Variants in GRIN2B observed in about 807,000 individuals in gnomAD.
GRIN2B encodes glutamate receptor ionotropic, NMDA 2B.
GRIN2B carries 5 observed loss-of-function variants against 114.5 expected under a neutral mutation model. The observed-to-expected ratio is 0.04, with a 90% confidence interval of 0.02 to 0.09. The LOEUF is 0.09. Among genes scored for constraint, GRIN2B ranks in the 10% least tolerant of loss-of-function variants. The pLI is 1.00. For missense variants in GRIN2B, 1,108 were observed against 1,943.5 expected (o/e 0.57, Z 8.08); for synonymous variants, 787 against 745.1 (o/e 1.06, Z -0.92).
At chr12:13,658,939 T>C (rs768702972) in intron 5 of GRIN2B, among the ~76,000 whole-genome samples, 3 of 152,052 alleles carry the variant, frequency 2.0e-5, no homozygotes, top group Non-Finnish European at 2.9e-5. Context: ...TCCCTTTCCT[T>C]TGCTGATTCC....
chr12:13,775,450 C>A (rs2136650041), intron 3 of GRIN2B, among the ~76,000 whole-genome samples: 1 of 152,214 alleles, frequency 6.6e-6, no homozygotes, highest in Non-Finnish European at 1.5e-5. Context: ...TGAGATGGTA[C>A]CCGGGAAGCA....
intron 2 of GRIN2B, among the ~76,000 whole-genome samples, chr12:13,869,933 A>G (rs1170306697): frequency 2.6e-5 from 4 of 152,206 alleles, no homozygotes; most frequent in African/African-American, 9.7e-5. Flanking sequence ...TCAAATGAAA[A>G]TATGTATATG....
At chr12:13,810,461 T>A (rs1055482491) in intron 3 of GRIN2B, among the ~76,000 whole-genome samples, 4 of 152,118 alleles carry the variant, frequency 2.6e-5, no homozygotes, top group Admixed American at 6.5e-5. Flanking sequence ...TCGAGGTCTA[T>A]CCTATAATGG....
chr12:13,950,284 T>G (rs1190755150), intron 2 of GRIN2B, among the ~76,000 whole-genome samples: 1 of 152,194 alleles, frequency 6.6e-6, no homozygotes, highest in Non-Finnish European at 1.5e-5. Context: ...CAAGAGTGTT[T>G]ACTGAGACCC....
At chr12:13,974,710 A>C (rs907673426) in intron 2 of GRIN2B, among the ~76,000 whole-genome samples, 6 of 152,116 alleles carry the variant, frequency 3.9e-5, no homozygotes, top group Non-Finnish European at 5.9e-5. Flanking sequence ...CTCTTTATAC[A>C]TGTCCACACC....
At chr12:13,590,459 A>T (rs1948992530) in intron 10 of GRIN2B, among the ~76,000 whole-genome samples, 2 of 152,058 alleles carry the variant, frequency 1.3e-5, no homozygotes, top group Admixed American at 1.3e-4. Flanking sequence ...TCATTGCTTA[A>T]TTCCTACTTA....
intron 2 of GRIN2B, among the ~76,000 whole-genome samples, chr12:13,925,447 G>C (rs982786793): frequency 1.3e-5 from 2 of 152,190 alleles, no homozygotes; most frequent in Admixed American, 1.3e-4. Context: ...GATGTTTACT[G>C]ACAGAATCTT....
chr12:13,732,708 CA>C (rs1863105473), intron 4 of GRIN2B, among the ~76,000 whole-genome samples: 1 of 152,178 alleles, frequency 6.6e-6, no homozygotes, highest in Admixed American at 6.5e-5. Flanking sequence ...TTATCCTTCA[CA>C]GTGAGTATAG....
At chr12:13,777,569 C>A (rs944093906) in intron 3 of GRIN2B, among the ~76,000 whole-genome samples, 3 of 152,182 alleles carry the variant, frequency 2.0e-5, no homozygotes, top group South Asian at 4.1e-4. Context: ...GCTGCAAGAT[C>A]CACAATGGCT....
chr12:13,579,446 A>G (rs1948817447), intron 10 of GRIN2B, among the ~76,000 whole-genome samples: 1 of 152,216 alleles, frequency 6.6e-6, no homozygotes, highest in South Asian at 2.1e-4. Flanking sequence ...CATTTGTACA[A>G]TGGGCTGCTA....
chr12:13,843,339 T>C (rs2193509), intron 3 of GRIN2B, among the ~76,000 whole-genome samples: 87,739 of 151,774 alleles, frequency 0.58, 25,581 homozygotes, highest in South Asian at 0.63. Flanking sequence ...CAACTGTGTC[T>C]GCATCAAGTA....
At chr12:13,930,510 G>A (rs1012571020) in intron 2 of GRIN2B, among the ~76,000 whole-genome samples, 7 of 152,054 alleles carry the variant, frequency 4.6e-5, no homozygotes, top group South Asian at 2.1e-4. Flanking sequence ...ATCTTGAGCC[G>A]GTAAAAACCA....
Position 13,841,476 on chromosome 12 carries a change from A to G in GRIN2B, c.411+24322T>C, listed in dbSNP as rs570259510. ...AATCCCGGAACCTCATCAGTCTGTC[A>G]CTGCTGGAGATGATGATATCCCATA... On this transcript the variant is annotated intron_variant, in intron 3 of 13. Transcript: ENST00000609686. 3.9e-5 allele frequency among the ~76,000 whole-genome samples: 6 copies of G among 152,298 alleles called. No individual in the cohort carries two copies. In the East Asian group the frequency reaches 9.7e-4, roughly 25 times the overall value.
At chr12:13,609,430 C>T (rs868411786) in intron 9 of GRIN2B, among the ~76,000 whole-genome samples, 11 of 152,226 alleles carry the variant, frequency 7.2e-5, no homozygotes, top group Admixed American at 2.0e-4. Flanking sequence ...GATCCTACTC[C>T]GATGCCAACA....
chr12:13,544,728 T>C lies in GRIN2B; in HGVS notation c.*18055A>G, dbSNP rs1297818596. On this transcript the variant is annotated 3_prime_UTR_variant, in exon 14 of 14. Coordinates refer to ENST00000609686, the MANE Select transcript of GRIN2B (RefSeq NM_000834.5). ...CAATGTCTAATTCATCAGCAAACTG[T>C]GTGATATCGATTCTTTAAAACATTT... The C allele has an allele frequency of 1.3e-5, 2 of 152,238 alleles. No individual in the cohort carries two copies. Among genetic ancestry groups the C allele is most frequent in the Non-Finnish European group, 2.9e-5 (2 of 68,052 alleles). 9.4% of individuals were successfully genotyped at this position (152,238 alleles called of 1,614,324 possible).
At chr12:13,749,886 C>T (rs942484989) in intron 4 of GRIN2B, among the ~76,000 whole-genome samples, 4 of 152,072 alleles carry the variant, frequency 2.6e-5, no homozygotes, top group African/African-American at 9.7e-5. Flanking sequence ...GGATTACATT[C>T]AAGAACCAGA....
chr12:13,886,497 T>C (rs1442611890), intron 2 of GRIN2B, among the ~76,000 whole-genome samples: 1 of 152,112 alleles, frequency 6.6e-6, no homozygotes, highest in Non-Finnish European at 1.5e-5. Flanking sequence ...GTTGAGACTA[T>C]CATTTGGGGT....
intron 4 of GRIN2B, among the ~76,000 whole-genome samples, chr12:13,743,966 G>C (rs1259659577): frequency 6.6e-6 from 1 of 152,166 alleles, no homozygotes; most frequent in Non-Finnish European, 1.5e-5. Context: ...TTGTCACAGG[G>C]TGGTTTCCAT....
chr12:13,729,319 C>T (rs1256001823), intron 4 of GRIN2B, among the ~76,000 whole-genome samples: 1 of 152,174 alleles, frequency 6.6e-6, no homozygotes, highest in Non-Finnish European at 1.5e-5. Context: ...CACAGCTGCA[C>T]CCAGCTGTTT....
Sources: allele counts gnomAD v4.1 joint callset (sites outside exome capture counted in the v4.1 genomes callset), GRCh38; gene constraint gnomAD v4.1.1; transcripts MANE v1.5; gene names NCBI Gene and HGNC (gene_info 2026-07-23, HGNC 2026-07-21).